RTTN: variants seen among roughly 807,000 people sequenced by gnomAD.
RTTN encodes the protein rotatin.
Under a neutral mutation model 269.2 loss-of-function variants are expected in RTTN, and 182 were observed. That is an observed-to-expected ratio of 0.68 (90% CI 0.60 to 0.76). RTTN has a LOEUF of 0.76. Ranked by LOEUF, RTTN falls within the 30% of genes least tolerant of loss-of-function variation. The pLI is 0.00. For synonymous variants in RTTN, 1,006 were observed against 963.5 expected (o/e 1.04, Z -0.82); for missense variants, 2,545 against 2,608.6 (o/e 0.98, Z 0.53).
At chr18:70,063,965 CTTT>C (rs35413593) in intron 35 of RTTN, among the ~76,000 whole-genome samples, 2 of 131,206 alleles carry the variant, frequency 1.5e-5, no homozygotes, top group Non-Finnish European at 1.6e-5. Context: ...CTTTTATATG[CTTT>C]TTTTTTTTTT....
chr18:70,158,250 C>T (rs2060735579), intron 14 of RTTN, among the ~76,000 whole-genome samples: 1 of 152,138 alleles, frequency 6.6e-6, no homozygotes, highest in African/African-American at 2.4e-5. Flanking sequence ...AACAGCAGAC[C>T]TTTCAGCAGA....
intron 46 of RTTN, among the ~76,000 whole-genome samples, chr18:70,011,916 G>A (rs537701495): frequency 1.1e-3 from 169 of 151,830 alleles, no homozygotes; most frequent in South Asian, 2.3e-3. Flanking sequence ...TCTGCTCCTG[G>A]TATTGGTTAG....
rs758934823 is a variant in RTTN at position 70,114,609 on chromosome 18, GA to G, written c.3529-11del. The G allele has an allele frequency of 2.6e-5, 42 of 1,602,632 alleles. No individual in the cohort carries two copies. In the Admixed American group the frequency reaches 5.1e-4, roughly 19 times the overall value. On this transcript the variant is annotated splice_polypyrimidine_tract_variant and intron_variant, in intron 26 of 48. Coordinates refer to ENST00000640769, the MANE Select transcript of RTTN (RefSeq NM_173630.4). ...ACAGTGGGTTTGCACTCTAAAAAAT[GA>G]AATTTGTAAAAAATGTATTTACTAA... is the stretch of plus-strand genomic sequence containing the variant.
At chr18:70,023,706 A>C (rs576748317) in intron 44 of RTTN, among the ~76,000 whole-genome samples, 37 of 152,116 alleles carry the variant, frequency 2.4e-4, no homozygotes, top group Non-Finnish European at 4.3e-4. Context: ...AGCCACCATT[A>C]TATCTCCATG....
At chr18:70,170,639 C>A (rs2061114553) in intron 11 of RTTN, among the ~76,000 whole-genome samples, 1 of 152,092 alleles carries the variant, frequency 6.6e-6, no homozygotes, top group African/African-American at 2.4e-5. Flanking sequence ...AGTGGTGGGC[C>A]AGATCAGTTA....
intron 14 of RTTN, among the ~76,000 whole-genome samples, chr18:70,162,349 C>A (rs1048141492): frequency 6.6e-6 from 1 of 152,096 alleles, no homozygotes; most frequent in South Asian, 2.1e-4. Context: ...GACAGTGGGG[C>A]CTACTTCACA....
At chr18:70,014,995 C>A (rs1183031681) in intron 46 of RTTN, among the ~76,000 whole-genome samples, 1 of 152,046 alleles carries the variant, frequency 6.6e-6, no homozygotes, top group Non-Finnish European at 1.5e-5. Context: ...TTTTGAGGTG[C>A]ATTTTAATAC....
chr18:70,183,440 C>T (rs1390569322), intron 10 of RTTN, among the ~76,000 whole-genome samples: 1 of 152,140 alleles, frequency 6.6e-6, no homozygotes, highest in East Asian at 1.9e-4. Context: ...AGGGCTCACA[C>T]AAGACAATAA....
chr18:70,188,516 G>A (rs1319263152), intron 9 of RTTN, among the ~76,000 whole-genome samples: 2 of 152,088 alleles, frequency 1.3e-5, no homozygotes, highest in African/African-American at 4.8e-5. Flanking sequence ...ATAATTTTTC[G>A]AATTTAGGGA....
chr18:70,090,855 A>C (rs1164790995), intron 30 of RTTN, among the ~76,000 whole-genome samples: 1 of 152,172 alleles, frequency 6.6e-6, no homozygotes, highest in East Asian at 1.9e-4. Flanking sequence ...AGATGCTGTC[A>C]CTCTGGTGGG....
chr18:70,052,858 A>G (rs1435085), intron 38 of RTTN, among the ~76,000 whole-genome samples: 122,503 of 152,024 alleles, frequency 0.81, 53,795 homozygotes, highest in East Asian at 1. Context: ...GCTAATAGAT[A>G]TACATTCAGA....
chr18:70,166,787 C>T (rs954750430), intron 13 of RTTN, 132 bp downstream of exon 13: 8 of 610,652 alleles, frequency 1.3e-5, no homozygotes, highest in Admixed American at 9.4e-5. Flanking sequence ...AAAAATCAGA[C>T]ACATATAAAA....
chr18:70,126,157 T>C (rs954345671), intron 25 of RTTN, among the ~76,000 whole-genome samples: 36 of 152,236 alleles, frequency 2.4e-4, no homozygotes, highest in Admixed American at 2.2e-3. Flanking sequence ...ATTGGGCAAT[T>C]TGAAATACTC....
chr18:70,040,193 G>A (rs548505996), intron 40 of RTTN, among the ~76,000 whole-genome samples: 10 of 151,832 alleles, frequency 6.6e-5, no homozygotes, highest in Non-Finnish European at 1.5e-4. Flanking sequence ...CTGAAGGGAT[G>A]AAAAAACAAT....
intron 12 of RTTN, among the ~76,000 whole-genome samples, chr18:70,168,506 T>C (rs758242874): frequency 2.0e-5 from 3 of 152,142 alleles, no homozygotes; most frequent in Non-Finnish European, 4.4e-5. Flanking sequence ...AGCACTAAAA[T>C]AGCCCTTATA....
intron 34 of RTTN, among the ~76,000 whole-genome samples, chr18:70,069,653 T>G (rs921283736): frequency 6.6e-6 from 1 of 152,230 alleles, no homozygotes; most frequent in African/African-American, 2.4e-5. Flanking sequence ...GTGATTTCAC[T>G]AGACACTTTA....
chr18:70,111,954 T>A (rs1416722404), intron 27 of RTTN, among the ~76,000 whole-genome samples: 1 of 152,096 alleles, frequency 6.6e-6, no homozygotes, highest in African/African-American at 2.4e-5. Flanking sequence ...TAACAGCAGA[T>A]CTCTCAGCAG....
Position 70,054,142 on chromosome 18 carries a change from T to C in RTTN, c.5174A>G (p.Lys1725Arg). ...NIIGILTICT[K>R]DVLDKELISA... ...ACAATTAAGCTTACCTAATACATCT[T>C]TGGTACATATGGTGAGAATTCCAAT... Residue 1725 changes from lysine (K) to arginine (R), a missense_variant, in exon 38 of 49, where the codon AAA (lysine) becomes AGA (arginine). Lys to Arg is a conservative substitution (Grantham distance 26). Transcript: ENST00000640769. 6.2e-7 allele frequency: 1 copy of C among 1,612,704 alleles called. No homozygotes were observed. Among genetic ancestry groups the C allele is most frequent in the Non-Finnish European group, 8.5e-7 (1 of 1,178,914 alleles).
chr18:70,015,413 T>C (rs1175878667), intron 46 of RTTN, among the ~76,000 whole-genome samples: 1 of 152,144 alleles, frequency 6.6e-6, no homozygotes, highest in Non-Finnish European at 1.5e-5. Context: ...ACTCCACTCC[T>C]GACCATTTAA....
Sources: gnomAD v4.1 joint callset for allele counts (sites outside exome capture counted in the v4.1 genomes callset) on GRCh38, gnomAD v4.1.1 for gene constraint, MANE v1.5 for transcripts, NCBI Gene and HGNC (gene_info 2026-07-23, HGNC 2026-07-21) for gene names.